TOX2: variants seen among roughly 807,000 people sequenced by gnomAD.
The protein encoded by TOX2 is granulosa cell HMG box 1.
A neutral mutation model predicts 47.4 loss-of-function variants in TOX2; 15 were observed. The observed-to-expected ratio is 0.32, with a 90% CI of 0.21 to 0.49. TOX2 has a LOEUF of 0.49. Among genes scored for constraint, TOX2 ranks in the 20% least tolerant of loss-of-function variants. The probability of loss-of-function intolerance (pLI) is 0.99; values close to 1 mark genes in which losing one functional copy is unlikely to be tolerated. For synonymous variants in TOX2, 290 were observed against 296.6 expected (o/e 0.98, Z 0.23); for missense variants, 622 against 673.1 (o/e 0.92, Z 0.84).
chr20:44,032,388 CA>C (rs2071170985), intron 3 of TOX2, among the ~76,000 whole-genome samples: 1 of 152,192 alleles, frequency 6.6e-6, no homozygotes, highest in South Asian at 2.1e-4. Flanking sequence ...GCGGTTGTAA[CA>C]ACAAAAATGT....
chr20:44,018,242 C>T (rs985628504), intron 3 of TOX2, among the ~76,000 whole-genome samples: 7 of 152,126 alleles, frequency 4.6e-5, no homozygotes, highest in Non-Finnish European at 8.8e-5. Flanking sequence ...GCTCAGCTGC[C>T]CTCTGGTACC....
chr20:43,970,147 G>A (rs2069938948), intron 1 of TOX2, among the ~76,000 whole-genome samples: 1 of 152,160 alleles, frequency 6.6e-6, no homozygotes. Flanking sequence ...CAGCTAGTGG[G>A]AGAGTCCAAG....
At chr20:43,926,966 G>A (rs1306753481) in intron 1 of TOX2, among the ~76,000 whole-genome samples, 1 of 152,186 alleles carries the variant, frequency 6.6e-6, no homozygotes, top group Non-Finnish European at 1.5e-5. Flanking sequence ...CAAGTGCAAA[G>A]GAATGAGATA....
At chr20:43,988,071 T>A (rs1295029813) in intron 2 of TOX2, among the ~76,000 whole-genome samples, 2 of 151,858 alleles carry the variant, frequency 1.3e-5, no homozygotes, top group African/African-American at 4.8e-5. Flanking sequence ...AGGCACATGC[T>A]ACCACACCCA....
At chr20:43,941,077 A>G (rs2145348741) in intron 1 of TOX2, among the ~76,000 whole-genome samples, 1 of 152,290 alleles carries the variant, frequency 6.6e-6, no homozygotes, top group Non-Finnish European at 1.5e-5. Flanking sequence ...TTCCATGGAA[A>G]TCAACCCTGG....
chr20:44,067,947 C>T lies in TOX2; in HGVS notation c.1485-703C>T, dbSNP rs185540451. On this transcript the variant is annotated intron_variant, in intron 8 of 8. Transcript: ENST00000341197. The stretch of plus-strand genomic sequence containing the variant: ...CCACCTTGCTGCTGAGAAACGCTGC[C>T]CCCAGCCCTAGCCTCGGCCTCCCAG... 4.4e-3 allele frequency among the ~76,000 whole-genome samples: 677 copies of T among 152,300 alleles called. 5 individuals are homozygous for T. The highest frequency in any genetic ancestry group is 0.016 in the African/African-American group (656 of 41,564).
intron 2 of TOX2, among the ~76,000 whole-genome samples, chr20:43,977,445 T>C (rs2070101567): frequency 6.6e-6 from 1 of 152,224 alleles, no homozygotes; most frequent in African/African-American, 2.4e-5. Context: ...ATTTGTTCTT[T>C]AATGTAACAC....
intron 1 of TOX2, among the ~76,000 whole-genome samples, chr20:43,952,336 C>T (rs984192116): frequency 2.6e-5 from 4 of 152,272 alleles, no homozygotes; most frequent in African/African-American, 7.2e-5. Context: ...CTGCCCCTGG[C>T]CTAAACTTAA....
chr20:44,022,524 C>A (rs2070992055), intron 3 of TOX2, among the ~76,000 whole-genome samples: 1 of 152,232 alleles, frequency 6.6e-6, no homozygotes, highest in African/African-American at 2.4e-5. Context: ...GGAAGTCCAC[C>A]TTCCCAAGCA....
chr20:43,981,863 G>A (rs1043889628), intron 2 of TOX2, among the ~76,000 whole-genome samples: 3 of 152,054 alleles, frequency 2.0e-5, no homozygotes, highest in African/African-American at 7.2e-5. Flanking sequence ...CAACTTGTGT[G>A]AGAAATTTAG....
intron 3 of TOX2, among the ~76,000 whole-genome samples, chr20:44,046,321 G>A (rs547149923): frequency 1.3e-5 from 2 of 152,330 alleles, no homozygotes; most frequent in African/African-American, 2.4e-5. Context: ...TAGTGTGTAT[G>A]CAGAAAATCT....
intron 5 of TOX2, among the ~76,000 whole-genome samples, chr20:44,058,128 A>T (rs1039482823): frequency 2.6e-5 from 4 of 152,230 alleles, no homozygotes; most frequent in Non-Finnish European, 4.4e-5. Flanking sequence ...GACACTTTGA[A>T]GGATGTGGAT....
At chr20:43,958,061 G>C (rs6031262) in intron 1 of TOX2, among the ~76,000 whole-genome samples, 1 of 152,172 alleles carries the variant, frequency 6.6e-6, no homozygotes, top group Non-Finnish European at 1.5e-5. Context: ...CTCTCTCCTA[G>C]GCTTGCAGGT....
Position 43,915,009 on chromosome 20 carries a change from G to T in TOX2, c.99+19G>T. On this transcript the variant is annotated intron_variant, in intron 1 of 8. Transcript: ENST00000341197. The surrounding 1 kb of genome is among the most constrained non-coding windows in gnomAD (Gnocchi z 7.1). ...CGGCAAGGTAGGCGGGGGCGGGCGG[G>T]GGTCCCCGGCGGGCGGGGCCGGAGT... The T allele has an allele frequency of 8.1e-7, 1 of 1,236,414 alleles. No individual in the cohort carries two copies. Among genetic ancestry groups the T allele is most frequent in the Non-Finnish European group, 1.0e-6 (1 of 988,266 alleles). 76.6% of individuals were successfully genotyped at this position (1,236,414 alleles called of 1,614,324 possible).
intron 5 of TOX2, 48 bp from the exon 6 acceptor site, chr20:44,064,729 T>A: frequency 6.3e-7 from 1 of 1,580,654 alleles, no homozygotes; most frequent in Middle Eastern, 1.7e-4. Context: ...GCACGGCATC[T>A]CCTCTGTAAC....
chr20:43,976,951 C>T (rs759538594), intron 2 of TOX2, among the ~76,000 whole-genome samples: 5 of 152,156 alleles, frequency 3.3e-5, no homozygotes, highest in Non-Finnish European at 7.4e-5. Context: ...AGAGGATAAA[C>T]ACTCTAAATG....
At chr20:44,021,817 T>TA (rs2070980659) in intron 3 of TOX2, among the ~76,000 whole-genome samples, 1 of 150,456 alleles carries the variant, frequency 6.6e-6, no homozygotes, top group African/African-American at 2.5e-5. Context: ...TTTTTTTTTT[T>TA]AAGAGATGGG....
chr20:43,921,314 C>A (rs1224109831), intron 1 of TOX2, among the ~76,000 whole-genome samples: 1 of 152,216 alleles, frequency 6.6e-6, no homozygotes, highest in Non-Finnish European at 1.5e-5. Flanking sequence ...ATCTATTTTG[C>A]TTCTCTGATT....
At chr20:44,029,158 G>A (rs1297351254) in intron 3 of TOX2, among the ~76,000 whole-genome samples, 2 of 152,240 alleles carry the variant, frequency 1.3e-5, no homozygotes, top group Admixed American at 1.3e-4. Context: ...TCGCCCTCCA[G>A]CTCCGCTTCC....
Sources: gnomAD v4.1 joint callset for allele counts (sites outside exome capture counted in the v4.1 genomes callset) on GRCh38, gnomAD v4.1.1 for gene constraint, Gnocchi (gnomAD v3.1) non-coding constraint, MANE v1.5 for transcripts, NCBI Gene and HGNC (gene_info 2026-07-23, HGNC 2026-07-21) for gene names.